ADAMTSL2: variants seen among roughly 807,000 people sequenced by gnomAD.
ADAMTSL2 encodes the protein ADAMTS-like protein 2.
Under a neutral mutation model 117.0 loss-of-function variants are expected in ADAMTSL2, and 55 were observed. The ratio of observed to expected loss-of-function variants is 0.47; its 90% CI spans 0.38 to 0.59. ADAMTSL2 has a LOEUF of 0.59. ADAMTSL2 is among the 20% of genes least tolerant of loss of function. The pLI is 0.00. For missense variants in ADAMTSL2, 1,182 were observed against 1,354.5 expected, an observed-to-expected ratio of 0.87 and a Z score of 2.00; for synonymous variants, 572 against 566.4, an observed-to-expected ratio of 1.01 and a Z score of -0.14.
Position 133,568,388 on chromosome 9 carries a change from G to A in ADAMTSL2, c.1990G>A (p.Asp664Asn), listed in dbSNP as rs1233835454. The change falls in exon 14 of 19, where the codon GAC becomes AAC. Residue 664 changes from aspartate (D) to asparagine (N), a missense_variant. Asp to Asn is a conservative substitution (Grantham distance 23). Around this residue, in one of 3 missense-constraint regions of ADAMTSL2, gnomAD observed 465 missense variants for 565.3 expected, o/e 0.82. Transcript: ENST00000651351. ...SPGFDSSVYS[D>N]LCEAAEAVRP... is the part of the protein sequence containing the mutation. ...CGGCTTCGACAGCTCCGTGTACAGC[G>A]ACCTGTGCGAGGCAGCCGAGGCCGT... is the stretch of plus-strand genomic sequence containing the variant. The A allele has an allele frequency of 5.0e-5, 80 of 1,606,816 alleles. No homozygotes were observed. The highest frequency in any genetic ancestry group is 6.5e-5 in the Non-Finnish European group (77 of 1,177,516).
Position 133,560,309 on chromosome 9 carries a change from C to T in ADAMTSL2, c.1650-889C>T, listed in dbSNP as rs983724135. On this transcript the variant is annotated intron_variant, in intron 11 of 18. Transcript: ENST00000651351. The stretch of plus-strand genomic sequence containing the variant: ...CCAGTTTAAAAAGGAAGTCGAGGCT[C>T]GAAGGACCTGCTGTCCACCGCGCCG... Among the ~76,000 whole-genome samples, 5 of 152,296 alleles carry T rather than the reference C, an allele frequency of 3.3e-5. No homozygotes were observed. In the East Asian group the frequency reaches 5.8e-4, roughly 18 times the overall value.
intron 11 of ADAMTSL2, among the ~76,000 whole-genome samples, chr9:133,556,203 G>T (rs941377246): frequency 3.3e-5 from 5 of 152,244 alleles, no homozygotes; most frequent in African/African-American, 9.6e-5. Context: ...TGCAGCTGAT[G>T]GGGGGAAGGG....
At chr9:133,536,491 C>A in intron 1 of ADAMTSL2, 72 bp from the exon 2 acceptor site, 1 of 1,485,946 alleles carries the variant, frequency 6.7e-7, no homozygotes. Flanking sequence ...CTGAAGCAGG[C>A]ATTACTAATC....
intron 12 of ADAMTSL2, among the ~76,000 whole-genome samples, chr9:133,563,854 A>G (rs1588302066): frequency 1.7e-4 from 15 of 85,800 alleles, no homozygotes; most frequent in East Asian, 3.1e-4. Flanking sequence ...GGAGAGAGAG[A>G]GAGAGAGAGG....
chr9:133,537,549 TGC>T lies in ADAMTSL2; in HGVS notation c.233+4_233+5del. 7.4e-7 allele frequency: 1 copy of T among 1,342,864 alleles called. No homozygotes were observed. The highest frequency in any genetic ancestry group is 9.6e-7 in the Non-Finnish European group (1 of 1,037,978). The allele number at this position is 1,342,864 out of a possible 1,614,324, so 83.2% of individuals were successfully genotyped here. On this transcript the variant is annotated splice_donor_region_variant and intron_variant, in intron 3 of 18. Coordinates refer to ENST00000651351, the MANE Select transcript of ADAMTSL2 (RefSeq NM_014694.4). ...GGAGCGGCACTGCCTGCAGCAGAGGTGCGAGGTTGGGCACGTGGCCCTGAGGG... is the reference window on the plus strand; with the variant it reads ...GGAGCGGCACTGCCTGCAGCAGAGGTGAGGTTGGGCACGTGGCCCTGAGGG...
intron 4 of ADAMTSL2, 112 bp from the exon 5 acceptor site, chr9:133,539,659 G>GTCCCGGCTGTCCCGGCTA: frequency 1.9e-6 from 2 of 1,032,812 alleles, no homozygotes; most frequent in Non-Finnish European, 2.9e-6. Flanking sequence ...CCGCACGGCT[G>GTCCCGGCTGTCCCGGCTA]TCCCGGCTGT....
At chr9:133,564,488 GGGAGAC>G in intron 12 of ADAMTSL2, among the ~76,000 whole-genome samples, 1 of 49,996 alleles carries the variant, frequency 2.0e-5, no homozygotes, top group Non-Finnish European at 4.5e-5. Context: ...GAGAGAGAGA[GGGAGAC>G]AGAGAGGGAG....
At chr9:133,556,098 G>A (rs981344886) in intron 11 of ADAMTSL2, among the ~76,000 whole-genome samples, 168 bp downstream of exon 11, 19 of 152,208 alleles carry the variant, frequency 1.2e-4, no homozygotes, top group African/African-American at 4.6e-4. Flanking sequence ...TCGCTGCCCC[G>A]TGGATCTGAG....
chr9:133,554,768 TCAGACCCTTTG>T lies in ADAMTSL2; in HGVS notation c.1276+82_1276+92del. 7.6e-7 allele frequency: 1 copy of T among 1,319,494 alleles called. No homozygotes were observed. The highest frequency in any genetic ancestry group is 1.5e-5 in the South Asian group (1 of 65,074). 81.7% of individuals were successfully genotyped at this position (1,319,494 alleles called of 1,614,324 possible). A position where few individuals can be genotyped will look rare whatever the true frequency, so the allele number is the denominator to read the frequency against. ...GGAAGGGGGCCTTGGGGAAGGGGTCTCAGACCCTTTGCAGACCTGCAGAGGAGGTTCCTAAG... is the reference window on the plus strand; with the variant it reads ...GGAAGGGGGCCTTGGGGAAGGGGTCTCAGACCTGCAGAGGAGGTTCCTAAG... On this transcript the variant is annotated intron_variant, in intron 10 of 18. Coordinates refer to ENST00000651351, the MANE Select transcript of ADAMTSL2 (RefSeq NM_014694.4). This position sits in a 1 kb window ranked among gnomAD's most constrained non-coding sequence, Gnocchi z 5.2.
At chr9:133,564,627 AGAGAGAGAGAGAGG>A (rs1830910364) in intron 12 of ADAMTSL2, among the ~76,000 whole-genome samples, 13 of 53,972 alleles carry the variant, frequency 2.4e-4, no homozygotes, top group Non-Finnish European at 5.3e-4. Context: ...AGAGAGAGGG[AGAGAGAGAGAGAGG>A]GAGAGAGGGA....
intron 17 of ADAMTSL2, 53 bp from the exon 18 acceptor site, chr9:133,573,790 G>C: frequency 3.7e-6 from 6 of 1,611,752 alleles, no homozygotes; most frequent in South Asian, 1.1e-5. Flanking sequence ...CCCTGCCCAG[G>C]CCCCTGCCCC....
In ADAMTSL2 at chr9:133,555,229, A is replaced by G. The variant is rs372529400; in HGVS notation, c.1277-329A>G. On this transcript the variant is annotated intron_variant, in intron 10 of 18. Transcript: ENST00000651351. Reference sequence around the variant, plus strand: ...CTCAGTCCACGATAATTTCATCTCAAGATTCTTAACTAATTATATCTACAA... The same window carrying G: ...CTCAGTCCACGATAATTTCATCTCAGGATTCTTAACTAATTATATCTACAA... 1.8e-4 allele frequency among the ~76,000 whole-genome samples: 27 copies of G among 149,386 alleles called. No homozygotes were observed. The East Asian group carries it at 4.8e-3, about 26-fold the overall frequency.
chr9:133,556,563 A>G (rs1830609292), intron 11 of ADAMTSL2, among the ~76,000 whole-genome samples: 1 of 152,212 alleles, frequency 6.6e-6, no homozygotes, highest in Admixed American at 6.5e-5. Context: ...GGGATGAAGA[A>G]CAAGGCTGGC....
intron 10 of ADAMTSL2, 60 bp from the exon 11 acceptor site, chr9:133,555,498 G>A (rs939738394): frequency 1.9e-6 from 3 of 1,609,438 alleles, no homozygotes; most frequent in South Asian, 1.1e-5. Context: ...CCTCCCCAGG[G>A]CAGCCCTTGC....
chr9:133,562,563 TGGCG>T (rs1236729675), intron 12 of ADAMTSL2, among the ~76,000 whole-genome samples: 7 of 95,056 alleles, frequency 7.4e-5, no homozygotes, highest in Non-Finnish European at 1.1e-4. Flanking sequence ...GTGGGCGGCG[TGGCG>T]GGCACCCTGC....
chr9:133,540,593 A>G lies in ADAMTSL2; in HGVS notation c.413-5A>G, dbSNP rs753298429. ...AAACCTTCTGTCTTTGTCTCCCTCCACCAGATGACTATGTCCACATCTCCA... is the reference window on the plus strand; with the variant it reads ...AAACCTTCTGTCTTTGTCTCCCTCCGCCAGATGACTATGTCCACATCTCCA... On this transcript the variant is annotated splice_region_variant and splice_polypyrimidine_tract_variant and intron_variant, in intron 5 of 18. Coordinates refer to ENST00000651351, the MANE Select transcript of ADAMTSL2 (RefSeq NM_014694.4). The G allele has an allele frequency of 3.1e-6, 5 of 1,613,310 alleles. No homozygotes were observed. The highest frequency in any genetic ancestry group is 4.2e-6 in the Non-Finnish European group (5 of 1,179,984).
intron 12 of ADAMTSL2, among the ~76,000 whole-genome samples, chr9:133,564,637 A>G (rs1274433110): frequency 2.1e-4 from 5 of 24,228 alleles, no homozygotes; most frequent in Non-Finnish European, 3.3e-4. Flanking sequence ...AGAGAGAGAG[A>G]GAGGGAGAGA....
In ADAMTSL2 at chr9:133,570,471, G is replaced by T; in HGVS notation, c.2556G>T (p.Arg852Ser). Residue 852 changes from arginine to serine, a missense_variant, in exon 17 of 19, where the codon AGG becomes AGT. Physicochemically the swap from Arg to Ser is moderately radical, Grantham distance 110 (BLOSUM62 -1). Transcript: ENST00000651351. ...CCGAGGAGAGCACGTGTTTCGAGAG[G>T]CCCTGCTTCAAGTGGTACACCAGCC... is the stretch of plus-strand genomic sequence containing the variant. ...KPPEESTCFE[R>S]PCFKWYTSPW... The T allele has an allele frequency of 1.2e-6, 2 of 1,611,798 alleles. No individual in the cohort carries two copies. Among genetic ancestry groups the T allele is most frequent in the Non-Finnish European group, 1.7e-6 (2 of 1,179,500 alleles).
Position 133,555,579 on chromosome 9 carries a change from C to G in ADAMTSL2, c.1298C>G (p.Pro433Arg). The change falls in exon 11 of 19, where the codon CCT becomes CGT. Residue 433 changes from proline to arginine, a missense_variant. By Grantham distance (103) the Pro-to-Arg change is moderately radical. Transcript: ENST00000651351. ...CCAGACCGCAACGTCACGGGGACTC[C>G]TCTCACCGGGGACAAGGATGACGAA... Reference protein sequence around the residue: ...GFRDRNVTGTPLTGDKDDEEV... With the variant: ...GFRDRNVTGTRLTGDKDDEEV... 1 of 1,613,144 alleles carries G rather than the reference C, an allele frequency of 6.2e-7. No individual in the cohort carries two copies. Among genetic ancestry groups the G allele is most frequent in the South Asian group, 1.1e-5 (1 of 91,084 alleles).
Sources: gnomAD v4.1 joint callset for allele counts (sites outside exome capture counted in the v4.1 genomes callset) on GRCh38, gnomAD v4.1.1 for gene constraint, gnomAD v4.1.1 regional missense constraint, Gnocchi (gnomAD v3.1) non-coding constraint, MANE v1.5 for transcripts, NCBI Gene and HGNC (gene_info 2026-07-23, HGNC 2026-07-21) for gene names.